Variants in ATP11A observed in about 807,000 individuals in gnomAD.
The protein encoded by ATP11A is ATPase phospholipid transporting 11A, also known as phospholipid-transporting ATPase IH.
In ATP11A, 81 loss-of-function variants were observed where a neutral mutation model predicts 154.4. The observed-to-expected ratio is 0.52, with a 90% confidence interval of 0.44 to 0.63. The LOEUF is 0.63. Ranked by LOEUF, ATP11A falls within the 30% of genes least tolerant of loss-of-function variation. ATP11A has a pLI of 0.00. For missense variants in ATP11A, 1,316 were observed against 1,474.3 expected (o/e 0.89, Z 1.76); for synonymous variants, 623 against 585.9 (o/e 1.06, Z -0.91).
In ATP11A at chr13:112,882,708, A is replaced by C; in HGVS notation, c.*842A>C. On this transcript the variant is annotated 3_prime_UTR_variant, in exon 30 of 30. Coordinates refer to ENST00000375645, the MANE Select transcript of ATP11A (RefSeq NM_015205.3). This position sits in a 1 kb window ranked among gnomAD's most constrained non-coding sequence, Gnocchi z 5.1. Reference sequence around the variant, plus strand: ...CGCCGGCAGCTTCCAGCCCTGCCGCAGAAGTGCCAGGATGTCCATCAGCCA... The same window carrying C: ...CGCCGGCAGCTTCCAGCCCTGCCGCCGAAGTGCCAGGATGTCCATCAGCCA... 2.5e-6 allele frequency: 1 copy of C among 400,048 alleles called. No individual in the cohort carries two copies. Among genetic ancestry groups the C allele is most frequent in the East Asian group, 3.6e-5 (1 of 28,070 alleles). 24.8% of individuals were successfully genotyped at this position (400,048 alleles called of 1,614,324 possible).
In ATP11A at chr13:112,809,391, T is replaced by C. The variant is rs2078422187; in HGVS notation, c.334-1228T>C. 1.3e-5 allele frequency among the ~76,000 whole-genome samples: 2 copies of C among 152,146 alleles called. 1 individual carries two copies. The highest frequency in any genetic ancestry group is 4.8e-5 in the African/African-American group (2 of 41,426). ...GAGGTTTTGGGTTACTTGTTTATGC[T>C]CCCTTCGGAGGAGACTCCAGTCACA... On this transcript the variant is annotated intron_variant, in intron 4 of 29. Coordinates refer to ENST00000375645, the MANE Select transcript of ATP11A (RefSeq NM_015205.3).
chr13:112,855,016 C>G (rs1405849623), intron 19 of ATP11A, among the ~76,000 whole-genome samples: 1 of 152,200 alleles, frequency 6.6e-6, no homozygotes, highest in Non-Finnish European at 1.5e-5. Context: ...GCTGTCCTTA[C>G]TGGTGTTAGA....
At chr13:112,709,931 G>A (rs1179788361) in intron 1 of ATP11A, among the ~76,000 whole-genome samples, 8 of 152,260 alleles carry the variant, frequency 5.3e-5, no homozygotes, top group African/African-American at 1.9e-4. Flanking sequence ...GTTAGGCCGC[G>A]CTGCTCCCTG....
In ATP11A at chr13:112,824,410, G is replaced by C; in HGVS notation, c.857G>C (p.Arg286Pro). ...ALNYQSKSQK[R>P]SAVEKSMNAF... ...AATTATCAATCAAAATCTCAGAAGCGATCTGCCGTGGAAAAGTAAGGCTGG... is the reference window on the plus strand; with the variant it reads ...AATTATCAATCAAAATCTCAGAAGCCATCTGCCGTGGAAAAGTAAGGCTGG... The change falls in exon 10 of 30, where the codon CGA becomes CCA. Residue 286 changes from arginine to proline, a missense_variant. By Grantham distance (103) the Arg-to-Pro change is moderately radical. This residue lies in a region of ATP11A where 876 missense variants were observed against 1,006.8 expected (regional missense o/e 0.87). Coordinates refer to ENST00000375645, the MANE Select transcript of ATP11A (RefSeq NM_015205.3). 6.2e-7 allele frequency: 1 copy of C among 1,614,116 alleles called. No homozygotes were observed. The highest frequency in any genetic ancestry group is 2.2e-5 in the East Asian group (1 of 44,886).
At chr13:112,870,761 C>G (rs542760963) in intron 25 of ATP11A, among the ~76,000 whole-genome samples, 16 of 152,370 alleles carry the variant, frequency 1.1e-4, no homozygotes, top group Non-Finnish European at 1.9e-4. Context: ...TGGGCCACAG[C>G]GCAGGAGCGT....
rs896717837 is a variant in ATP11A at position 112,881,243 on chromosome 13, C to G, written c.*10-633C>G. On this transcript the variant is annotated intron_variant, in intron 29 of 29. Coordinates refer to ENST00000375645, the MANE Select transcript of ATP11A (RefSeq NM_015205.3). ...CTGCCGCTCCCCTTGCTGGTCAGAC[C>G]CACAGGGCCCGTGCACATCCGGGGC... 5.4e-5 allele frequency: 54 copies of G among 990,960 alleles called. No individual in the cohort carries two copies. The South Asian group carries it at 2.2e-3, about 40-fold the overall frequency. The allele number at this position is 990,960 out of a possible 1,614,324, so 61.4% of individuals were successfully genotyped here.
intron 25 of ATP11A, among the ~76,000 whole-genome samples, chr13:112,863,642 C>A (rs77786786): frequency 6.9e-6 from 1 of 143,912 alleles, no homozygotes; most frequent in Admixed American, 6.9e-5. Context: ...TTCAGTGCAG[C>A]CCATGCAGCT....
chr13:112,850,319 G>T (rs1040555959), intron 17 of ATP11A, among the ~76,000 whole-genome samples: 9 of 152,342 alleles, frequency 5.9e-5, no homozygotes, highest in Admixed American at 5.9e-4. Context: ...AGATGATCAG[G>T]TGTGAACCTC....
chr13:112,837,727 C>T (rs910224410), intron 16 of ATP11A, among the ~76,000 whole-genome samples: 4 of 152,144 alleles, frequency 2.6e-5, no homozygotes, highest in Non-Finnish European at 4.4e-5. Context: ...CTAAGATGTG[C>T]CGAGTTTAAT....
intron 1 of ATP11A, among the ~76,000 whole-genome samples, chr13:112,718,791 T>C (rs1335482364): frequency 6.6e-6 from 1 of 151,838 alleles, no homozygotes; most frequent in Non-Finnish European, 1.5e-5. Flanking sequence ...TTGCCTCAGC[T>C]TCCTGAGTAG....
intron 2 of ATP11A, among the ~76,000 whole-genome samples, chr13:112,787,169 C>T (rs1256335457): frequency 3.3e-4 from 34 of 103,990 alleles, no homozygotes; most frequent in Middle Eastern, 8.8e-3. Context: ...TGTCCTGATG[C>T]GTAGACCCCT....
At chr13:112,860,041 C>CT (rs112313047) in intron 23 of ATP11A, among the ~76,000 whole-genome samples, 2,230 of 143,520 alleles carry the variant, frequency 0.016, 31 homozygotes, top group African/African-American at 0.044. Context: ...GACTTTTTTC[C>CT]TTTTTTTTTT....
intron 27 of ATP11A, among the ~76,000 whole-genome samples, chr13:112,873,946 GA>G (rs2080631915): frequency 6.6e-6 from 1 of 152,198 alleles, no homozygotes; most frequent in African/African-American, 2.4e-5. Context: ...AACAGACCAG[GA>G]TTCCGCACCA....
intron 1 of ATP11A, among the ~76,000 whole-genome samples, chr13:112,731,725 A>G (rs1383784294): frequency 2.6e-5 from 4 of 152,146 alleles, no homozygotes; most frequent in Non-Finnish European, 5.9e-5. Context: ...TATGAGATCC[A>G]TCACATCTTA....
intron 1 of ATP11A, among the ~76,000 whole-genome samples, chr13:112,775,376 C>T (rs748517481): frequency 7.2e-5 from 11 of 152,300 alleles, no homozygotes; most frequent in East Asian, 1.9e-4. Flanking sequence ...TGCACACAGG[C>T]GGGCTTCCAC....
chr13:112,827,536 G>A (rs1453235208), intron 12 of ATP11A, among the ~76,000 whole-genome samples: 1 of 152,220 alleles, frequency 6.6e-6, no homozygotes, highest in East Asian at 1.9e-4. Flanking sequence ...TGGCTTGAAG[G>A]GAGCTAGGGA....
intron 5 of ATP11A, among the ~76,000 whole-genome samples, 189 bp downstream of exon 5, chr13:112,810,915 C>CCAGCCTGGGCAACCGA (rs2078475623): frequency 6.6e-6 from 1 of 152,140 alleles, no homozygotes; most frequent in African/African-American, 2.4e-5. Flanking sequence ...CCACTGCTCT[C>CCAGCCTGGGCAACCGA]CAGCCTGGGC....
intron 18 of ATP11A, 78 bp from the exon 19 acceptor site, chr13:112,854,201 G>A (rs2079855409): frequency 6.5e-7 from 1 of 1,535,760 alleles, no homozygotes; most frequent in Admixed American, 2.0e-5. Flanking sequence ...AGCTTTGCAA[G>A]TTTCTGCAGT....
intron 24 of ATP11A, among the ~76,000 whole-genome samples, chr13:112,862,093 G>A (rs973542201): frequency 4.6e-5 from 7 of 152,386 alleles, no homozygotes; most frequent in African/African-American, 7.2e-5. Flanking sequence ...CACGTCAGGC[G>A]TAAGGTGTCA....
Sources: allele counts gnomAD v4.1 joint callset (sites outside exome capture counted in the v4.1 genomes callset), GRCh38; gene constraint gnomAD v4.1.1; regional missense constraint gnomAD v4.1.1; non-coding constraint Gnocchi (gnomAD v3.1); transcripts MANE v1.5; gene names NCBI Gene and HGNC (gene_info 2026-07-23, HGNC 2026-07-21).